AP4S1: variants seen among roughly 807,000 people sequenced by gnomAD.
AP4S1 encodes the protein AP-4 complex subunit sigma-1.
AP4S1 carries 23 observed loss-of-function variants against 19.8 expected under a neutral mutation model. The observed-to-expected ratio is 1.16, with a 90% confidence interval of 0.84 to 1.65. The LOEUF is 1.65. Among genes scored for constraint, AP4S1 ranks in the 40% most tolerant of loss-of-function variants. The pLI is 0.00. For synonymous variants in AP4S1, 46 were observed against 54.1 expected, an observed-to-expected ratio of 0.85 and a Z score of 0.66; for missense variants, 166 against 172.8, an observed-to-expected ratio of 0.96 and a Z score of 0.22.
chr14:31,085,033 A>G (rs1439355624), intron 5 of AP4S1: 3 of 1,469,636 alleles, frequency 2.0e-6, no homozygotes, highest in Non-Finnish European at 2.7e-6. Flanking sequence ...CTAAGGACTT[A>G]GTTTATTTGG....
chr14:31,089,657 G>A (rs761210318), intron 5 of AP4S1, among the ~76,000 whole-genome samples: 4 of 152,192 alleles, frequency 2.6e-5, no homozygotes, highest in Non-Finnish European at 4.4e-5. Flanking sequence ...GCTCACGCCT[G>A]TAATCCCAGA....
chr14:31,073,491 G>GA lies in AP4S1; in HGVS notation c.294+530dup, dbSNP rs1328162460. ...GGCAACAGAGCGAGACTCCGTCTCA[G>GA]AAAAAAAAAAAACCCTCTTATTTGT... On this transcript the variant is annotated intron_variant, in intron 4 of 5. Coordinates refer to ENST00000542754, the MANE Select transcript of AP4S1 (RefSeq NM_001128126.3). Among the ~76,000 whole-genome samples, 504 of 140,840 alleles carry GA rather than the reference G, an allele frequency of 3.6e-3. 1 individual carries two copies. The highest frequency in any genetic ancestry group is 0.018 in the South Asian group (81 of 4,426). 92.4% of individuals were successfully genotyped at this position (140,840 alleles called of 152,430 possible). A position where few individuals can be genotyped will look rare whatever the true frequency, so the allele number is the denominator to read the frequency against.
chr14:31,084,893 G>T, intron 5 of AP4S1: 1 of 1,614,176 alleles, frequency 6.2e-7, no homozygotes, highest in South Asian at 1.1e-5. Flanking sequence ...ATAGCCAGGG[G>T]AGGGCACCAA....
At chr14:31,031,527 A>G (rs546669675) in intron 1 of AP4S1, among the ~76,000 whole-genome samples, 54 of 152,356 alleles carry the variant, frequency 3.5e-4, no homozygotes, top group East Asian at 7.7e-4. Flanking sequence ...GTTGTCTCTT[A>G]AAGTTCAATA....
intron 1 of AP4S1, among the ~76,000 whole-genome samples, chr14:31,044,694 A>G (rs978791053): frequency 6.6e-6 from 1 of 151,608 alleles, no homozygotes; most frequent in African/African-American, 2.4e-5. Flanking sequence ...GGGTCTTGCT[A>G]TGTTTTTCAG....
intron 1 of AP4S1, among the ~76,000 whole-genome samples, chr14:31,049,578 A>G (rs1237909105): frequency 1.3e-5 from 2 of 151,006 alleles, no homozygotes; most frequent in Admixed American, 6.6e-5. Flanking sequence ...CAGTATAACC[A>G]TAAAGGTGCA....
chr14:31,088,188 G>A (rs2139123257), intron 5 of AP4S1, among the ~76,000 whole-genome samples: 1 of 152,258 alleles, frequency 6.6e-6, no homozygotes, highest in Non-Finnish European at 1.5e-5. Flanking sequence ...GCTCCCACTA[G>A]CCTTGACCAC....
intron 1 of AP4S1, among the ~76,000 whole-genome samples, chr14:31,044,680 A>G (rs976642680): frequency 4.6e-5 from 7 of 151,726 alleles, no homozygotes; most frequent in African/African-American, 7.3e-5. Context: ...AATTTGTAGA[A>G]ATGGGGTCTT....
chr14:31,027,362 T>G (rs1438109898), intron 1 of AP4S1: 1 of 152,174 alleles, frequency 6.6e-6, no homozygotes, highest in African/African-American at 2.4e-5. Flanking sequence ...CCTGGGTCAT[T>G]AAATGTTTAA....
chr14:31,074,128 C>G (rs966729593), intron 4 of AP4S1, among the ~76,000 whole-genome samples: 4 of 150,772 alleles, frequency 2.7e-5, no homozygotes, highest in African/African-American at 9.8e-5. Flanking sequence ...AGTTGAAGAC[C>G]AGGCTGGCCA....
intron 1 of AP4S1, among the ~76,000 whole-genome samples, chr14:31,039,319 G>A (rs1309961687): frequency 2.0e-5 from 3 of 151,586 alleles, no homozygotes; most frequent in Admixed American, 2.0e-4. Context: ...CCAAATAGCT[G>A]GGATTACAGG....
At chr14:31,046,196 A>G (rs1167556349) in intron 1 of AP4S1, among the ~76,000 whole-genome samples, 3 of 151,972 alleles carry the variant, frequency 2.0e-5, no homozygotes, top group African/African-American at 7.2e-5. Flanking sequence ...CCCTCAGGTG[A>G]TCCACCAGCC....
intron 5 of AP4S1, among the ~76,000 whole-genome samples, chr14:31,089,889 A>G (rs1482069668): frequency 6.6e-6 from 1 of 152,240 alleles, no homozygotes; most frequent in Admixed American, 6.5e-5. Flanking sequence ...ACTCCACTCT[A>G]GCCTGAGCAA....
chr14:31,075,494 C>A (rs994175661), intron 4 of AP4S1, among the ~76,000 whole-genome samples: 1 of 152,140 alleles, frequency 6.6e-6, no homozygotes, highest in African/African-American at 2.4e-5. Flanking sequence ...AAACATTGGA[C>A]TGCAGACATC....
intron 1 of AP4S1, among the ~76,000 whole-genome samples, chr14:31,034,684 C>G (rs1440800404): frequency 7.2e-6 from 1 of 138,666 alleles, no homozygotes; most frequent in Non-Finnish European, 1.5e-5. Flanking sequence ...GTGGTGTGGT[C>G]TCGGCTCACT....
chr14:31,067,255 CT>C (rs1176264389), intron 2 of AP4S1, among the ~76,000 whole-genome samples: 46 of 146,400 alleles, frequency 3.1e-4, no homozygotes, highest in Admixed American at 4.8e-4. Context: ...AAACTGCGTC[CT>C]TTTTTTTTTA....
intron 1 of AP4S1, among the ~76,000 whole-genome samples, chr14:31,044,995 G>A (rs1218031271): frequency 1.3e-5 from 2 of 151,450 alleles, no homozygotes; most frequent in Non-Finnish European, 2.9e-5. Context: ...TCCACCTCCC[G>A]GGTTCAAGCA....
intron 1 of AP4S1, among the ~76,000 whole-genome samples, chr14:31,051,085 T>C (rs1277814788): frequency 1.3e-5 from 2 of 151,720 alleles, no homozygotes; most frequent in Non-Finnish European, 2.9e-5. Flanking sequence ...CAAGACCCCA[T>C]CTCCACAAGA....
chr14:31,087,052 C>G (rs1887938042), intron 5 of AP4S1, among the ~76,000 whole-genome samples: 1 of 152,054 alleles, frequency 6.6e-6, no homozygotes, highest in Non-Finnish European at 1.5e-5. Context: ...ACCACCACAC[C>G]CAGCTGGCTA....
Sources: gnomAD v4.1 joint callset for allele counts (sites outside exome capture counted in the v4.1 genomes callset) on GRCh38, gnomAD v4.1.1 for gene constraint, MANE v1.5 for transcripts, NCBI Gene and HGNC (gene_info 2026-07-23, HGNC 2026-07-21) for gene names.